AGBL1: variants seen among roughly 807,000 people sequenced by gnomAD.
The protein encoded by AGBL1 is AGBL carboxypeptidase 1.
AGBL1 carries 130 observed loss-of-function variants against 118.9 expected under a neutral mutation model. The observed-to-expected ratio is 1.09, with a 90% CI of 0.95 to 1.26. AGBL1 has a LOEUF of 1.26. AGBL1 is among the 50% of genes most tolerant of loss of function. AGBL1 has a pLI of 0.00. For missense variants in AGBL1, 1,584 were observed against 1,298.1 expected (o/e 1.22, Z -3.38); for synonymous variants, 555 against 478.9 (o/e 1.16, Z -2.08).
rs1352013220 is a variant in AGBL1 at position 86,615,194 on chromosome 15, C to T, written c.2995-59079C>T. On this transcript the variant is annotated intron_variant, in intron 21 of 22. Transcript: ENST00000614907. The surrounding 1 kb of genome is among the most constrained non-coding windows in gnomAD (Gnocchi z 4.3). The stretch of plus-strand genomic sequence containing the variant: ...TCTAGCAGATTTGCCTTCCAGATGC[C>T]TCTGCCAGCAATGCGGGAGATTAAT... 6.6e-6 allele frequency among the ~76,000 whole-genome samples: 1 copy of T among 152,140 alleles called. No individual in the cohort carries two copies. The highest frequency in any genetic ancestry group is 1.5e-5 in the Non-Finnish European group (1 of 68,038).
chr15:86,173,920 A>G (rs1406519478), intron 5 of AGBL1, among the ~76,000 whole-genome samples: 2 of 151,942 alleles, frequency 1.3e-5, no homozygotes, highest in African/African-American at 4.8e-5. Flanking sequence ...TGCTTCGGCT[A>G]TTTTGGGTGT....
chr15:86,790,960 C>T (rs1250995331), intron 22 of AGBL1, among the ~76,000 whole-genome samples: 1 of 151,852 alleles, frequency 6.6e-6, no homozygotes, highest in Non-Finnish European at 1.5e-5. Flanking sequence ...CAAAATAATC[C>T]ATGTAGCAGA....
rs1423014565 is a variant in AGBL1, at chr15:86,609,467, C to T, written c.2994+54930C>T. On this transcript the variant is annotated intron_variant, in intron 21 of 22. Coordinates refer to ENST00000614907, the MANE Select transcript of AGBL1 (RefSeq NM_001386094.1). ...CATTTACTGCTTTCTATATCAGTAG[C>T]TGTGGTAGGGAGTATTGGCACCTGT... Among the ~76,000 whole-genome samples, 3 of 152,146 alleles carry T rather than the reference C, an allele frequency of 2.0e-5. No homozygotes were observed. The East Asian group carries it at 5.8e-4, about 29-fold the overall frequency.
intron 21 of AGBL1, among the ~76,000 whole-genome samples, chr15:86,652,824 C>A (rs1297938521): frequency 6.6e-6 from 1 of 152,072 alleles, no homozygotes; most frequent in East Asian, 1.9e-4. Flanking sequence ...GAAATTTTGC[C>A]CCCTTTTCAC....
In AGBL1 at chr15:86,674,448, C is replaced by T. The variant is rs765323179; in HGVS notation, c.3158+12C>T. The stretch of plus-strand genomic sequence containing the variant: ...CAGCACCTCCAACGGTAAGATGCTC[C>T]CAAGGGCTCAGAGAAATTTGGACCT... On this transcript the variant is annotated intron_variant, in intron 22 of 22. Transcript: ENST00000614907. The T allele has an allele frequency of 9.4e-6, 15 of 1,594,474 alleles. No homozygotes were observed. The highest frequency in any genetic ancestry group is 1.3e-5 in the Non-Finnish European group (15 of 1,166,062).
intron 21 of AGBL1, among the ~76,000 whole-genome samples, chr15:86,611,082 A>G (rs1319780005): frequency 1.3e-5 from 2 of 152,212 alleles, no homozygotes; most frequent in Middle Eastern, 3.2e-3. Context: ...CTAGACTGCA[A>G]AATTGAACAG....
At chr15:86,301,182 T>C (rs560835347) in intron 17 of AGBL1, among the ~76,000 whole-genome samples, 4 of 152,288 alleles carry the variant, frequency 2.6e-5, no homozygotes, top group African/African-American at 9.6e-5. Context: ...GACATTTCTG[T>C]TTTTGTACCT....
intron 5 of AGBL1, among the ~76,000 whole-genome samples, chr15:86,216,196 A>G (rs993708207): frequency 1.3e-5 from 2 of 152,222 alleles, no homozygotes; most frequent in East Asian, 3.9e-4. Flanking sequence ...GCAAATAGAC[A>G]TAGTTTTATT....
At chr15:86,865,003 T>C (rs920817931) in intron 22 of AGBL1, among the ~76,000 whole-genome samples, 3 of 152,222 alleles carry the variant, frequency 2.0e-5, no homozygotes, top group African/African-American at 7.2e-5. Flanking sequence ...TTTACCATCC[T>C]GATGGGAATA....
At chr15:86,870,915 G>A (rs1440847468) in intron 22 of AGBL1, among the ~76,000 whole-genome samples, 1 of 152,160 alleles carries the variant, frequency 6.6e-6, no homozygotes, top group East Asian at 1.9e-4. Flanking sequence ...TTTAGCTCAA[G>A]GGAATATCTA....
intron 6 of AGBL1, among the ~76,000 whole-genome samples, chr15:86,229,514 C>T (rs993170776): frequency 2.6e-5 from 4 of 152,242 alleles, no homozygotes; most frequent in Non-Finnish European, 4.4e-5. Context: ...GAGATTTGGG[C>T]GGGGACACAG....
At chr15:86,145,097 A>G (rs891414122) in intron 3 of AGBL1, among the ~76,000 whole-genome samples, 1 of 152,162 alleles carries the variant, frequency 6.6e-6, no homozygotes, top group African/African-American at 2.4e-5. Flanking sequence ...TCTCCTCTGT[A>G]TCATTTCCTC....
chr15:86,679,939 A>G (rs1456047996), intron 22 of AGBL1, among the ~76,000 whole-genome samples: 1 of 152,086 alleles, frequency 6.6e-6, no homozygotes, highest in Non-Finnish European at 1.5e-5. Context: ...CCTACTGTGA[A>G]TTGAGGAGTT....
chr15:86,493,352 G>C (rs1482590496), intron 18 of AGBL1, among the ~76,000 whole-genome samples: 1 of 152,048 alleles, frequency 6.6e-6, no homozygotes, highest in African/African-American at 2.4e-5. Flanking sequence ...ACCTCCATCA[G>C]ATGGAGGCTA....
chr15:86,723,411 A>T (rs1427282972), intron 22 of AGBL1, among the ~76,000 whole-genome samples: 1 of 152,214 alleles, frequency 6.6e-6, no homozygotes, highest in Admixed American at 6.5e-5. Context: ...AAGGACAAAA[A>T]ACCAAACACC....
intron 1 of AGBL1, chr15:86,107,709 T>G (rs1479589763): frequency 6.6e-6 from 1 of 152,116 alleles, no homozygotes; most frequent in African/African-American, 2.4e-5. Context: ...CATTTAACAG[T>G]GTTCTGGGTT....
intron 5 of AGBL1, among the ~76,000 whole-genome samples, chr15:86,221,901 T>C (rs1378014955): frequency 6.6e-6 from 1 of 152,174 alleles, no homozygotes; most frequent in African/African-American, 2.4e-5. Context: ...TTGATTTCTA[T>C]TTCATTAAAA....
chr15:86,724,904 A>G (rs533861923), intron 22 of AGBL1, among the ~76,000 whole-genome samples: 3 of 152,300 alleles, frequency 2.0e-5, no homozygotes, highest in South Asian at 2.1e-4. Flanking sequence ...CCTCACCAGA[A>G]GTAGATACTG....
chr15:86,126,474 A>T (rs1200000178), intron 1 of AGBL1, among the ~76,000 whole-genome samples: 3 of 152,162 alleles, frequency 2.0e-5, no homozygotes, highest in Admixed American at 1.3e-4. Flanking sequence ...ATTTCCAAAG[A>T]GATATACAGA....
Sources: gnomAD v4.1 joint callset for allele counts (sites outside exome capture counted in the v4.1 genomes callset) on GRCh38, gnomAD v4.1.1 for gene constraint, Gnocchi (gnomAD v3.1) non-coding constraint, MANE v1.5 for transcripts, NCBI Gene and HGNC (gene_info 2026-07-23, HGNC 2026-07-21) for gene names.